HR: variants seen among roughly 807,000 people sequenced by gnomAD.
HR encodes the protein HR lysine demethylase and nuclear receptor corepressor.
Under a neutral mutation model 128.6 loss-of-function variants are expected in HR, and 83 were observed. That is an observed-to-expected ratio of 0.65 (90% CI 0.54 to 0.77). The LOEUF is 0.77. Among genes scored for constraint, HR ranks in the 30% least tolerant of loss-of-function variants. The pLI, the probability that HR is intolerant of heterozygous loss-of-function variation, is 0.00. For missense variants in HR, 1,490 were observed against 1,574.6 expected, an observed-to-expected ratio of 0.95 and a Z score of 0.91; for synonymous variants, 681 against 658.2, an observed-to-expected ratio of 1.03 and a Z score of -0.53.
At chr8:22,122,456 G>T (rs759080718) in intron 8 of HR, 37 bp downstream of exon 8, 3 of 1,480,996 alleles carry the variant, frequency 2.0e-6, no homozygotes, top group Non-Finnish European at 2.8e-6. Flanking sequence ...CCATTTGCAG[G>T]CACGATACCC....
At chr8:22,119,337 G>A (rs144475087) in intron 14 of HR, 54 bp from the exon 15 acceptor site, 61 of 1,609,290 alleles carry the variant, frequency 3.8e-5, no homozygotes, top group African/African-American at 3.2e-4. Context: ...AGCCAGGCGC[G>A]GTTGCTCACG....
At position 22,120,459 on chromosome 8, in the gene HR, C is replaced by T; in HGVS notation, c.2659G>A (p.Gly887Arg). The change falls in exon 12 of 19, where the codon GGG becomes AGG. Residue 887 changes from glycine (G) to arginine (R), a missense_variant. This residue lies in a region of HR where 423 missense variants were observed against 495.9 expected (regional missense o/e 0.85). Transcript: ENST00000381418. ...CCAAGTGCCCCAAGAGCTTCTGTCCCCCACAGGTTGCCCTGCAATGTCCTT... is the reference window on the plus strand; with the variant it reads ...CCAAGTGCCCCAAGAGCTTCTGTCCTCCACAGGTTGCCCTGCAATGTCCTT... ...IQRTLQGNLW[G>R]TEALGALGGQ... 6.2e-7 allele frequency: 1 copy of T among 1,614,066 alleles called. No individual in the cohort carries two copies. The highest frequency in any genetic ancestry group is 8.5e-7 in the Non-Finnish European group (1 of 1,180,032).
chr8:22,128,926 T>C lies in HR; in HGVS notation c.245A>G (p.Gln82Arg), dbSNP rs771393525. 48 of 1,613,378 alleles carry C rather than the reference T, an allele frequency of 3.0e-5. No homozygotes were observed. Among genetic ancestry groups the C allele is most frequent in the Non-Finnish European group, 1.4e-5 (17 of 1,180,014 alleles). ...MLPLVEGEGP[Q>R]NGERKVNWLG... ...CCAGTTGACCTTCCTCTCCCCATTC[T>C]GGGGGCCCTCGCCCTCCACAAGTGG... Residue 82 changes from glutamine to arginine, a missense_variant, in exon 2 of 19, where the codon CAG becomes CGG. This residue lies in a region of HR where 1,060 missense variants were observed against 1,060.9 expected (regional missense o/e 1.00). Transcript: ENST00000381418.
At chr8:22,121,570 G>A (rs754899332) in intron 9 of HR, 43 bp downstream of exon 9, 2 of 1,601,954 alleles carry the variant, frequency 1.2e-6, no homozygotes, top group Admixed American at 1.7e-5. Context: ...CTCTGGCCCA[G>A]CCTCCCTCTT....
chr8:22,121,502 T>TGG (rs148117748), intron 9 of HR, 111 bp downstream of exon 9: 1 of 1,099,948 alleles, frequency 9.1e-7, no homozygotes, highest in African/African-American at 1.6e-5. Context: ...TTATTGGGGG[T>TGG]GGGGGGGAGT....
chr8:22,124,576 C>A (rs1452125969), intron 5 of HR, among the ~76,000 whole-genome samples: 1 of 152,186 alleles, frequency 6.6e-6, no homozygotes, highest in Non-Finnish European at 1.5e-5. Flanking sequence ...CCCATAAATA[C>A]AGCGATGACT....
At chr8:22,123,877 C>T (rs1402166415) in intron 5 of HR, 64 bp from the exon 6 acceptor site, 10 of 1,531,300 alleles carry the variant, frequency 6.5e-6, no homozygotes, top group South Asian at 2.4e-5. Context: ...GAAGGCTTCA[C>T]GTGGGAAGGA....
Position 22,127,603 on chromosome 8 carries a change from G to A in HR, c.839C>T (p.Pro280Leu), listed in dbSNP as rs2131766932. ...ATGAACAAGGCCTGGGGGACAAGCG[G>A]GCCAGGAGGTCCAGGGCACAGTGTC... ...QPDTVPWTSWPACPPGLVHTL... is the reference protein window; with the variant it reads ...QPDTVPWTSWLACPPGLVHTL... The change falls in exon 3 of 19, where the codon CCC (proline) becomes CTC (leucine). Residue 280 changes from proline (P) to leucine (L), a missense_variant. Physicochemically the swap from Pro to Leu is moderately conservative, Grantham distance 98. This residue lies in a region of HR where 1,060 missense variants were observed against 1,060.9 expected (regional missense o/e 1.00). Transcript: ENST00000381418. The A allele has an allele frequency of 6.2e-7, 1 of 1,611,610 alleles. No homozygotes were observed. Among genetic ancestry groups the A allele is most frequent in the Non-Finnish European group, 8.5e-7 (1 of 1,179,700 alleles).
In HR at chr8:22,121,081, G is replaced by GT; in HGVS notation, c.2350dup (p.Thr784AsnfsTer7). 3.1e-6 allele frequency: 5 copies of GT among 1,613,736 alleles called. No homozygotes were observed. Among genetic ancestry groups the GT allele is most frequent in the Non-Finnish European group, 4.2e-6 (5 of 1,180,038 alleles). Reference sequence around the variant, plus strand: ...CTCACTCACACTGGGCAGGGCCGGAGTGACGGGGGCGAAGGCCATGTGTAT... The same window carrying GT: ...CTCACTCACACTGGGCAGGGCCGGAGTTGACGGGGGCGAAGGCCATGTGTAT... On this transcript the variant is annotated frameshift_variant, in exon 10 of 19. Coordinates refer to ENST00000381418, the MANE Select transcript of HR (RefSeq NM_005144.5). LOFTEE classifies it high-confidence loss of function.
Position 22,128,660 on chromosome 8 carries a change from G to A in HR, c.511C>T (p.Leu171=). The change falls in exon 2 of 19, where the codon CTG becomes TTG. Residue 171 remains leucine, a synonymous_variant. Coordinates refer to ENST00000381418, the MANE Select transcript of HR (RefSeq NM_005144.5). Reference sequence around the variant, plus strand: ...CAGTCACATGGATGCTCTGGGGGCAGGCCAGACACTAGGTAGGGTGGCAAG... The same window carrying A: ...CAGTCACATGGATGCTCTGGGGGCAAGCCAGACACTAGGTAGGGTGGCAAG... ...TCLPPYLVSG[L]PPEHPCDWPL... 1 of 1,589,884 alleles carries A rather than the reference G, an allele frequency of 6.3e-7. No individual in the cohort carries two copies. Among genetic ancestry groups the A allele is most frequent in the Non-Finnish European group, 8.6e-7 (1 of 1,168,870 alleles).
chr8:22,117,153 G>T, intron 16 of HR, 114 bp from the exon 17 acceptor site: 1 of 1,104,494 alleles, frequency 9.1e-7, no homozygotes, highest in Non-Finnish European at 1.3e-6. Flanking sequence ...GAAGGGTCAA[G>T]TCTTGAAGGG....
Position 22,128,770 on chromosome 8 carries a change from T to C in HR, c.401A>G (p.Asp134Gly). 1 of 1,608,794 alleles carries C rather than the reference T, an allele frequency of 6.2e-7. No homozygotes were observed. The highest frequency in any genetic ancestry group is 8.5e-7 in the Non-Finnish European group (1 of 1,178,106). The part of the protein sequence containing the change: ...PEHSGGHLKS[D>G]PVAFRPWHCP... ...GTGCCAGGGCCGGAAGGCCACAGGG[T>C]CACTCTTGAGATGGCCACCACTATG... is the stretch of plus-strand genomic sequence containing the variant. The change falls in exon 2 of 19, where the codon GAC (aspartate) becomes GGC (glycine). Residue 134 changes from aspartate to glycine, a missense_variant. By Grantham distance (94) the Asp-to-Gly change is moderately conservative. Transcript: ENST00000381418.
chr8:22,121,206 G>T lies in HR; in HGVS notation c.2226C>A (p.Thr742=). The T allele has an allele frequency of 1.9e-6, 3 of 1,613,882 alleles. No homozygotes were observed. The highest frequency in any genetic ancestry group is 2.5e-6 in the Non-Finnish European group (3 of 1,180,014). The change falls in exon 10 of 19, where the codon ACC becomes ACA. Residue 742 remains threonine (T), a synonymous_variant. Coordinates refer to ENST00000381418, the MANE Select transcript of HR (RefSeq NM_005144.5). ...CTCGGCCAGCACGGTCCTCTGCTGG[G>T]GTCTCAGCGGAATCGGGGGTCTCTG... ...IKEETPDSAE[T]PAEDRAGRGP... is the part of the protein sequence containing the mutation.
At chr8:22,121,720 C>A (rs200978549) in intron 8 of HR, 26 bp from the exon 9 acceptor site, 72 of 1,605,126 alleles carry the variant, frequency 4.5e-5, no homozygotes, top group South Asian at 1.9e-4. Flanking sequence ...ACCACCCCCC[C>A]AATCCAACCA....
Position 22,127,191 on chromosome 8 carries a change from G to A in HR, c.1251C>T (p.Pro417=), listed in dbSNP as rs146491425. The A allele has an allele frequency of 1.2e-4, 191 of 1,612,826 alleles. No individual in the cohort carries two copies. Among genetic ancestry groups the A allele is most frequent in the South Asian group, 9.1e-4 (83 of 91,080 alleles). The change falls in exon 3 of 19, where the codon CCC becomes CCT. Residue 417 remains proline, a synonymous_variant. Transcript: ENST00000381418. ...RLRALKRAGS[P]EVQGAMGSPA... is the part of the protein sequence containing the mutation. ...GACTGCCCATTGCTCCCTGGACCTC[G>A]GGGCTGCCTGCCCTTTTGAGGGCCC...
Position 22,127,557 on chromosome 8 carries a change from A to G in HR, c.885T>C (p.Ala295=). ...ACCCAAGGTTCCCATCGCCTGGCCC[A>G]GCCCAGACGTTGCCAAGAGTATGAA... The part of the protein sequence containing the change: ...GLVHTLGNVW[A]GPGDGNLGYQ... The change falls in exon 3 of 19, where the codon GCT becomes GCC. Residue 295 remains alanine (A), a synonymous_variant. Transcript: ENST00000381418. 6.2e-7 allele frequency: 1 copy of G among 1,613,072 alleles called. No individual in the cohort carries two copies. The highest frequency in any genetic ancestry group is 8.5e-7 in the Non-Finnish European group (1 of 1,179,978).
At chr8:22,118,910 T>C in intron 16 of HR, 40 bp downstream of exon 16, 1 of 1,511,094 alleles carries the variant, frequency 6.6e-7, no homozygotes, top group Non-Finnish European at 9.0e-7. Flanking sequence ...CTTCTAGGGC[T>C]GGGCGGGGGG....
Position 22,116,969 on chromosome 8 carries a change from C to A in HR, c.3284G>T (p.Arg1095Leu). ...PGSCYLDAGL[R>L]RRLREEWGVS... Reference sequence around the variant, plus strand: ...GCCCCACTCCTCCCGCAGGCGCCGCCGCAGCCCTGCATCCAGGTAGCAGCT... The same window carrying A: ...GCCCCACTCCTCCCGCAGGCGCCGCAGCAGCCCTGCATCCAGGTAGCAGCT... Residue 1095 changes from arginine (R) to leucine (L), a missense_variant, in exon 17 of 19, where the codon CGG becomes CTG. Coordinates refer to ENST00000381418, the MANE Select transcript of HR (RefSeq NM_005144.5). The surrounding 1 kb of genome is among the most constrained non-coding windows in gnomAD (Gnocchi z 4.2). The A allele has an allele frequency of 7.2e-6, 11 of 1,536,698 alleles. No homozygotes were observed. The highest frequency in any genetic ancestry group is 9.6e-6 in the Non-Finnish European group (11 of 1,146,288).
intron 5 of HR, 147 bp downstream of exon 5, chr8:22,125,164 G>A: frequency 4.0e-6 from 3 of 753,582 alleles, no homozygotes; most frequent in Non-Finnish European, 6.4e-6. Context: ...TACCCAGTTT[G>A]ACACCTTCCT....
Sources: allele counts gnomAD v4.1 joint callset (sites outside exome capture counted in the v4.1 genomes callset), GRCh38; gene constraint gnomAD v4.1.1; regional missense constraint gnomAD v4.1.1; non-coding constraint Gnocchi (gnomAD v3.1); transcripts MANE v1.5; gene names NCBI Gene and HGNC (gene_info 2026-07-23, HGNC 2026-07-21).